Variants in DDB1 observed in about 807,000 individuals in gnomAD.
DDB1 encodes damage specific DNA binding protein 1.
DDB1 carries 18 observed loss-of-function variants against 133.1 expected under a neutral mutation model. The ratio of observed to expected loss-of-function variants is 0.14; its 90% confidence interval spans 0.09 to 0.20. The LOEUF (loss-of-function observed/expected upper bound fraction) is 0.20, where lower values mean the gene tolerates loss of function less well. DDB1 is among the 10% of genes least tolerant of loss of function. The probability of loss-of-function intolerance (pLI) is 1.00; values close to 1 mark genes in which losing one functional copy is unlikely to be tolerated. For missense variants in DDB1, 828 were observed against 1,459.2 expected, an observed-to-expected ratio of 0.57 and a Z score of 7.05; for synonymous variants, 580 against 550.5, an observed-to-expected ratio of 1.05 and a Z score of -0.75.
At chr11:61,323,241 A>G in intron 7 of DDB1, 147 bp from the exon 8 acceptor site, 1 of 677,322 alleles carries the variant, frequency 1.5e-6, no homozygotes, top group Non-Finnish European at 2.7e-6. Flanking sequence ...AGGTCACACT[A>G]AGCAAATGTT....
chr11:61,330,184 C>A, intron 2 of DDB1, 110 bp from the exon 3 acceptor site: 1 of 823,450 alleles, frequency 1.2e-6, no homozygotes, highest in East Asian at 2.6e-5. Context: ...TCTTCTCTCC[C>A]TAAAGAGAAA....
intron 10 of DDB1, among the ~76,000 whole-genome samples, chr11:61,319,897 G>C (rs1024687636): frequency 6.6e-6 from 1 of 152,126 alleles, no homozygotes; most frequent in Non-Finnish European, 1.5e-5. Context: ...TTTTTCGTTT[G>C]ATCAACTTGT....
Position 61,300,481 on chromosome 11 carries a change from T to A in DDB1, c.3340-262A>T, listed in dbSNP as rs56062516. Among the ~76,000 whole-genome samples the A allele has an allele frequency of 3.9e-5, 6 of 152,264 alleles. No individual in the cohort carries two copies. In the East Asian group the frequency reaches 9.7e-4, roughly 25 times the overall value. On this transcript the variant is annotated intron_variant, in intron 26 of 26. Transcript: ENST00000301764. ...GTGAGCAATATCCCAAACTCCAGAATTGTGGCCATTTCTCCTCCCTACGGG... is the reference window on the plus strand; with the variant it reads ...GTGAGCAATATCCCAAACTCCAGAAATGTGGCCATTTCTCCTCCCTACGGG...
At position 61,313,987 on chromosome 11, in the gene DDB1, A is replaced by G. The variant is rs775726699; in HGVS notation, c.1754-18T>C. ...AATGATCTCTGTGAGAAAGGGGGAC[A>G]TTATGTTCTTGTTCCACATTTTGAC... On this transcript the variant is annotated intron_variant, in intron 14 of 26. Transcript: ENST00000301764. The G allele has an allele frequency of 2.5e-6, 4 of 1,614,162 alleles. No homozygotes were observed. In the East Asian group the frequency reaches 8.9e-5, roughly 36 times the overall value.
At chr11:61,320,891 T>A (rs1460254773) in intron 10 of DDB1, among the ~76,000 whole-genome samples, 1 of 152,060 alleles carries the variant, frequency 6.6e-6, no homozygotes, top group Non-Finnish European at 1.5e-5. Context: ...CCTCTCTTTT[T>A]TTTTTTTTTG....
At chr11:61,321,402 TTTTC>T (rs1856176991) in intron 10 of DDB1, 189 bp downstream of exon 10, 2 of 510,752 alleles carry the variant, frequency 3.9e-6, no homozygotes, top group South Asian at 3.0e-5. Flanking sequence ...ATCAGTAGTA[TTTTC>T]TTTTTTTTTT....
At chr11:61,319,693 G>C (rs566228459) in intron 10 of DDB1, among the ~76,000 whole-genome samples, 1 of 152,190 alleles carries the variant, frequency 6.6e-6, no homozygotes, top group African/African-American at 2.4e-5. Flanking sequence ...GCCTCCCAAA[G>C]TGCTGGGATT....
At chr11:61,302,977 G>T in intron 23 of DDB1, 69 bp downstream of exon 23, 1 of 1,436,216 alleles carries the variant, frequency 7.0e-7, no homozygotes, top group Non-Finnish European at 9.8e-7. Context: ...AGAACCCAAT[G>T]CTTGCATCCA....
intron 3 of DDB1, 139 bp downstream of exon 3, chr11:61,329,819 T>G: frequency 1.2e-6 from 1 of 806,880 alleles, no homozygotes; most frequent in Non-Finnish European, 2.0e-6. Context: ...GAGTCCTTTC[T>G]CCAAAAAGCT....
intron 7 of DDB1, 48 bp downstream of exon 7, chr11:61,323,931 T>C: frequency 1.2e-6 from 2 of 1,608,690 alleles, no homozygotes; most frequent in South Asian, 1.1e-5. Flanking sequence ...TTGGTGTCTT[T>C]AGGAACCTAA....
intron 10 of DDB1, among the ~76,000 whole-genome samples, chr11:61,317,592 C>T (rs561793842): frequency 2.2e-4 from 33 of 152,192 alleles, no homozygotes; most frequent in East Asian, 1.5e-3. Context: ...CTACAACCTC[C>T]GCCTCCCGGG....
chr11:61,312,445 G>T (rs1288308778), intron 16 of DDB1, among the ~76,000 whole-genome samples: 6 of 151,522 alleles, frequency 4.0e-5, no homozygotes, highest in Non-Finnish European at 1.5e-5. Context: ...TTCTGATTCT[G>T]TGAGTCAGGG....
chr11:61,316,691 G>A, intron 10 of DDB1, 124 bp from the exon 11 acceptor site: 2 of 1,003,838 alleles, frequency 2.0e-6, no homozygotes, highest in South Asian at 2.7e-5. Context: ...GAAGGCAGAG[G>A]CAGGAGGACT....
chr11:61,322,885 T>C (rs1856205855), intron 8 of DDB1, 126 bp downstream of exon 8: 3 of 770,336 alleles, frequency 3.9e-6, no homozygotes, highest in Non-Finnish European at 6.2e-6. Flanking sequence ...ATTAACCAAG[T>C]AGAAAGCTGG....
chr11:61,315,181 T>A (rs1856043276), intron 12 of DDB1: 2 of 152,328 alleles, frequency 1.3e-5, no homozygotes, highest in African/African-American at 4.8e-5. Context: ...CTCTAAAATA[T>A]CTAAGTTCTT....
chr11:61,332,921 G>A lies in DDB1; in HGVS notation c.48C>T (p.Asn16=). The change falls in exon 1 of 27, where the codon AAC becomes AAT. Residue 16 remains asparagine, a synonymous_variant. Coordinates refer to ENST00000301764, the MANE Select transcript of DDB1 (RefSeq NM_001923.5). ...VVTAQKPTAV[N]GCVTGHFTSA... ...CGGCAGCCTCACCGGTCACGCAGCC[G>A]TTCACGGCGGTGGGCTTCTGGGCCG... 2.0e-6 allele frequency: 3 copies of A among 1,504,734 alleles called. No homozygotes were observed. Among genetic ancestry groups the A allele is most frequent in the South Asian group, 1.2e-5 (1 of 80,428 alleles). 93.2% of individuals were successfully genotyped at this position (1,504,734 alleles called of 1,614,324 possible).
chr11:61,321,764 G>C (rs1856184259), intron 9 of DDB1, 67 bp from the exon 10 acceptor site: 2 of 1,373,092 alleles, frequency 1.5e-6, no homozygotes. Context: ...CTGATGCCCA[G>C]AAAGTAAACA....
At chr11:61,303,371 A>G in intron 22 of DDB1, 1 of 499,312 alleles carries the variant, frequency 2.0e-6, no homozygotes, top group Non-Finnish European at 3.6e-6. Flanking sequence ...GCCTAGTCAG[A>G]GTTTGAGTTG....
chr11:61,300,868 T>C lies in DDB1; in HGVS notation c.3280A>G (p.Ile1094Val), dbSNP rs1348635088. ...PATGFIDGDL[I>V]ESFLDISRPK... Reference sequence around the variant, plus strand: ...CGGCTAATATCCAGGAAACTCTCAATCAAGTCACCGTCGATGAAACCTGTG... The same window carrying C: ...CGGCTAATATCCAGGAAACTCTCAACCAAGTCACCGTCGATGAAACCTGTG... The change falls in exon 26 of 27, where the codon ATT becomes GTT. Residue 1094 changes from isoleucine to valine, a missense_variant. Coordinates refer to ENST00000301764, the MANE Select transcript of DDB1 (RefSeq NM_001923.5). 6.2e-7 allele frequency: 1 copy of C among 1,614,138 alleles called. No homozygotes were observed. The highest frequency in any genetic ancestry group is 1.7e-5 in the Admixed American group (1 of 60,018).
Sources: allele counts gnomAD v4.1 joint callset (sites outside exome capture counted in the v4.1 genomes callset), GRCh38; gene constraint gnomAD v4.1.1; transcripts MANE v1.5; gene names NCBI Gene and HGNC (gene_info 2026-07-23, HGNC 2026-07-21).